IMPA2: variants seen among roughly 807,000 people sequenced by gnomAD.
IMPA2 encodes the protein inositol monophosphatase 2.
In IMPA2, 32 loss-of-function variants were observed where a neutral mutation model predicts 35.1. The ratio of observed to expected loss-of-function variants is 0.91; its 90% CI spans 0.69 to 1.23. The LOEUF (loss-of-function observed/expected upper bound fraction) is 1.23. IMPA2 is among the 50% of genes most tolerant of loss of function. The pLI, the probability that IMPA2 is intolerant of heterozygous loss-of-function variation, is 0.00. For synonymous variants in IMPA2, 135 were observed against 160.6 expected (o/e 0.84, Z 1.20); for missense variants, 334 against 387.6 (o/e 0.86, Z 1.16).
intron 5 of IMPA2, among the ~76,000 whole-genome samples, chr18:12,016,345 C>T (rs1907577404): frequency 6.6e-6 from 1 of 151,838 alleles, no homozygotes; most frequent in Non-Finnish European, 1.5e-5. Flanking sequence ...AGATGGACTT[C>T]AGGAGGTGAC....
chr18:12,030,455 G>T lies in IMPA2; in HGVS notation c.864G>T (p.Lys288Asn). 4.3e-6 allele frequency: 7 copies of T among 1,613,622 alleles called. No homozygotes were observed. Among genetic ancestry groups the T allele is most frequent in the Non-Finnish European group, 5.9e-6 (7 of 1,179,504 alleles). Residue 288 changes from lysine (K) to asparagine (N), a missense_variant, in exon 8 of 8, where the codon AAG (lysine) becomes AAT (asparagine). Coordinates refer to ENST00000269159, the MANE Select transcript of IMPA2 (RefSeq NM_014214.3). ...TTAACTATGGGCGGGATGATGAGAAGTGACTGCGGCTGAGGCAAAGCTGCT... is the reference window on the plus strand; with the variant it reads ...TTAACTATGGGCGGGATGATGAGAATTGACTGCGGCTGAGGCAAAGCTGCT... ...QTINYGRDDE[K>N]
intron 4 of IMPA2, chr18:12,012,436 G>T: frequency 5.3e-6 from 3 of 570,068 alleles, no homozygotes; most frequent in East Asian, 5.6e-5. Flanking sequence ...CTTGTCCCCC[G>T]TGGAGGGCTG....
At chr18:11,997,811 C>T (rs565327588) in intron 1 of IMPA2, among the ~76,000 whole-genome samples, 4 of 152,292 alleles carry the variant, frequency 2.6e-5, no homozygotes, top group African/African-American at 4.8e-5. Context: ...GCTCTGAGTT[C>T]GTTTTTAGGT....
intron 1 of IMPA2, chr18:11,994,099 G>T (rs1906889572): frequency 6.6e-6 from 1 of 152,232 alleles, no homozygotes; most frequent in Non-Finnish European, 1.5e-5. Context: ...TGAAGGCTAG[G>T]TGTAGTGGCT....
At chr18:12,001,002 C>T (rs1034724127) in intron 2 of IMPA2, among the ~76,000 whole-genome samples, 4 of 150,934 alleles carry the variant, frequency 2.7e-5, no homozygotes, top group South Asian at 2.1e-4. Flanking sequence ...GAGGCTGAGG[C>T]GGGCGGATCA....
intron 2 of IMPA2, among the ~76,000 whole-genome samples, chr18:12,003,150 A>G (rs1470774318): frequency 1.3e-5 from 2 of 151,438 alleles, no homozygotes; most frequent in South Asian, 4.2e-4. Context: ...AGCTGAGATC[A>G]CGCCACTGCA....
At chr18:11,998,148 CAGAG>C (rs545500515) in intron 1 of IMPA2, among the ~76,000 whole-genome samples, 4 of 152,158 alleles carry the variant, frequency 2.6e-5, no homozygotes, top group Non-Finnish European at 5.9e-5. Context: ...GCCTGGGTGA[CAGAG>C]AGACCCAGTC....
At chr18:12,005,944 C>T (rs1907236122) in intron 2 of IMPA2, among the ~76,000 whole-genome samples, 1 of 152,184 alleles carries the variant, frequency 6.6e-6, no homozygotes. Flanking sequence ...ATTTCTAGTC[C>T]CTCTGGACCT....
chr18:12,029,366 G>A (rs1300149787), intron 7 of IMPA2, among the ~76,000 whole-genome samples: 1 of 151,426 alleles, frequency 6.6e-6, no homozygotes, highest in East Asian at 1.9e-4. Flanking sequence ...CGCCTGCCTC[G>A]GTCTCCCAAA....
intron 4 of IMPA2, among the ~76,000 whole-genome samples, chr18:12,013,266 GCTCTTC>G (rs1907483436): frequency 6.6e-6 from 1 of 152,178 alleles, no homozygotes. Context: ...CACTCTGGGA[GCTCTTC>G]ACAGGCCTCA....
chr18:11,982,299 C>G (rs1036946405), intron 1 of IMPA2, among the ~76,000 whole-genome samples: 6 of 152,212 alleles, frequency 3.9e-5, no homozygotes, highest in Non-Finnish European at 8.8e-5. Flanking sequence ...GGATGAAAAC[C>G]GAGCCGCAGA....
intron 5 of IMPA2, among the ~76,000 whole-genome samples, chr18:12,019,476 C>A (rs1329635685): frequency 6.6e-6 from 1 of 150,390 alleles, no homozygotes; most frequent in African/African-American, 2.5e-5. Context: ...CCGTGTTGGC[C>A]AGGCTGGTCT....
At chr18:12,009,837 T>C (rs1456914398) in intron 2 of IMPA2, 46 bp from the exon 3 acceptor site, 1 of 1,456,022 alleles carries the variant, frequency 6.9e-7, no homozygotes, top group Non-Finnish European at 9.6e-7. Context: ...GGCACGTTAT[T>C]CTGTGTCCTT....
At chr18:12,004,119 A>G (rs578036011) in intron 2 of IMPA2, among the ~76,000 whole-genome samples, 1 of 152,364 alleles carries the variant, frequency 6.6e-6, no homozygotes, top group Admixed American at 6.5e-5. Context: ...ACATGCTCCC[A>G]GCCACCACCA....
Position 12,003,654 on chromosome 18 carries a change from AAAAAAAAAAAGAAAAGG to A in IMPA2, c.230+4478_230+4494del, listed in dbSNP as rs1358002803. ...CATCTCAGTGAGACTCCATCTTAAA[AAAAAAAAAAAGAAAAGG>A]AAAAAAAAAAAAAAAGGCAGCATGG... On this transcript the variant is annotated intron_variant, in intron 2 of 7. Coordinates refer to ENST00000269159, the MANE Select transcript of IMPA2 (RefSeq NM_014214.3). Among the ~76,000 whole-genome samples, 2 of 61,888 alleles carry A rather than the reference AAAAAAAAAAAGAAAAGG, an allele frequency of 3.2e-5. 1 individual carries two copies. Among genetic ancestry groups the A allele is most frequent in the Non-Finnish European group, 4.8e-5 (2 of 41,500 alleles). The allele number at this position is 61,888 out of a possible 152,430, so 40.6% of individuals were successfully genotyped here. A position where few individuals can be genotyped will look rare whatever the true frequency, so the allele number is the denominator to read the frequency against.
At chr18:12,003,700 G>C (rs1297743267) in intron 2 of IMPA2, among the ~76,000 whole-genome samples, 1 of 151,392 alleles carries the variant, frequency 6.6e-6, no homozygotes, top group Non-Finnish European at 1.5e-5. Flanking sequence ...AGCATGGTAA[G>C]GCCGGGTTTT....
intron 5 of IMPA2, among the ~76,000 whole-genome samples, chr18:12,023,362 C>T (rs144557147): frequency 1.8e-3 from 267 of 152,290 alleles, no homozygotes; most frequent in Middle Eastern, 6.8e-3. Flanking sequence ...GGCAGTGGCA[C>T]GTAGGCTGGG....
intron 1 of IMPA2, among the ~76,000 whole-genome samples, chr18:11,993,695 C>A (rs1906877930): frequency 6.6e-6 from 1 of 152,218 alleles, no homozygotes; most frequent in Non-Finnish European, 1.5e-5. Flanking sequence ...ACACGGGCGA[C>A]CTCCTGGAGC....
In IMPA2 at chr18:11,986,231, C is replaced by G. The variant is rs1175957859; in HGVS notation, c.96+4466C>G. Among the ~76,000 whole-genome samples, 8 of 152,344 alleles carry G rather than the reference C, an allele frequency of 5.3e-5. No homozygotes were observed. In the East Asian group the frequency reaches 1.5e-3, roughly 29 times the overall value. On this transcript the variant is annotated intron_variant, in intron 1 of 7. Coordinates refer to ENST00000269159, the MANE Select transcript of IMPA2 (RefSeq NM_014214.3). Reference sequence around the variant, plus strand: ...CCTTGCGAAGTGAGCCTGTCGTCCCCTTGTCCGGCCAGATCTGGTCGCTCT... The same window carrying G: ...CCTTGCGAAGTGAGCCTGTCGTCCCGTTGTCCGGCCAGATCTGGTCGCTCT...
Sources: allele counts gnomAD v4.1 joint callset (sites outside exome capture counted in the v4.1 genomes callset), GRCh38; gene constraint gnomAD v4.1.1; transcripts MANE v1.5; gene names NCBI Gene and HGNC (gene_info 2026-07-23, HGNC 2026-07-21).